The following CNOT7 variants were observed in gnomAD, a reference collection of about 807,000 sequenced individuals.
CNOT7 encodes the protein BTG1-binding factor 1.
CNOT7 carries 4 observed loss-of-function variants against 37.1 expected under a neutral mutation model. The observed-to-expected ratio is 0.11, with a 90% CI of 0.05 to 0.25. The LOEUF (loss-of-function observed/expected upper bound fraction) is 0.25. Among genes scored for constraint, CNOT7 ranks in the 10% least tolerant of loss-of-function variants. The probability of loss-of-function intolerance (pLI) is 1.00; values close to 1 mark genes in which losing one functional copy is unlikely to be tolerated. For missense variants in CNOT7, 170 were observed against 336.2 expected (o/e 0.51, Z 3.87); for synonymous variants, 128 against 115.6 (o/e 1.11, Z -0.69).
chr8:17,234,991 C>T (rs1809150370), intron 4 of CNOT7, 131 bp from the exon 5 acceptor site: 1 of 687,124 alleles, frequency 1.5e-6, no homozygotes, highest in Non-Finnish European at 2.4e-6. Context: ...GAGAAGTGCA[C>T]ACAAGAACAG....
chr8:17,235,676 G>T (rs1362838856), intron 4 of CNOT7, among the ~76,000 whole-genome samples: 1 of 152,094 alleles, frequency 6.6e-6, no homozygotes, highest in East Asian at 1.9e-4. Flanking sequence ...CCTCTAACAG[G>T]AAGCCTATAT....
Position 17,225,986 on chromosome 8 carries a change from G to A in CNOT7, c.*4734C>T, listed in dbSNP as rs1456863454. 1 of 138,116 alleles carries A rather than the reference G, an allele frequency of 7.2e-6. No individual in the cohort carries two copies. The highest frequency in any genetic ancestry group is 2.6e-5 in the African/African-American group (1 of 37,906). The allele number at this position is 138,116 out of a possible 1,614,324, so 8.6% of individuals were successfully genotyped here. A position where few individuals can be genotyped will look rare whatever the true frequency, so the allele number is the denominator to read the frequency against. Reference sequence around the variant, plus strand: ...TGCAGATGAAATAGCAAACAGGACAGACATAGACCCTTGAGTTTCTTCTAG... The same window carrying A: ...TGCAGATGAAATAGCAAACAGGACAAACATAGACCCTTGAGTTTCTTCTAG... On this transcript the variant is annotated 3_prime_UTR_variant, in exon 7 of 7. Coordinates refer to ENST00000361272, the MANE Select transcript of CNOT7 (RefSeq NM_013354.7).
intron 4 of CNOT7, among the ~76,000 whole-genome samples, chr8:17,235,097 T>C (rs1002424122): frequency 1.3e-4 from 20 of 152,148 alleles, no homozygotes. Context: ...AACACAGACC[T>C]ACACTACCAA....
At chr8:17,231,726 A>G (rs1165321648) in intron 6 of CNOT7, 1 of 985,244 alleles carries the variant, frequency 1.0e-6, no homozygotes, top group Non-Finnish European at 1.2e-6. Context: ...TGTGCACATC[A>G]CTTAATTACT....
At chr8:17,243,362 TA>T (rs1810450524) in intron 2 of CNOT7, 177 bp from the exon 3 acceptor site, 1 of 640,204 alleles carries the variant, frequency 1.6e-6, no homozygotes, top group Non-Finnish European at 2.8e-6. Flanking sequence ...TAAAACTCTA[TA>T]AACTTAATAA....
chr8:17,230,616 G>A lies in CNOT7; in HGVS notation c.*104C>T, dbSNP rs1195566635. The stretch of plus-strand genomic sequence containing the variant: ...CAGACAATAAAATGGGCCATGAAAG[G>A]GGGGGGAAAGGTACTGTCTATTGTT... On this transcript the variant is annotated 3_prime_UTR_variant, in exon 7 of 7. Transcript: ENST00000361272. 8 of 935,242 alleles carry A rather than the reference G, an allele frequency of 8.6e-6. No individual in the cohort carries two copies. The highest frequency in any genetic ancestry group is 5.6e-5 in the South Asian group (2 of 35,436). The allele number at this position is 935,242 out of a possible 1,614,324, so 57.9% of individuals were successfully genotyped here. A position where few individuals can be genotyped will look rare whatever the true frequency, so the allele number is the denominator to read the frequency against.
At chr8:17,232,949 T>G (rs1261198109) in intron 5 of CNOT7, among the ~76,000 whole-genome samples, 1 of 152,178 alleles carries the variant, frequency 6.6e-6, no homozygotes, top group African/African-American at 2.4e-5. Flanking sequence ...CACCATCCAT[T>G]TGTAGTTTTC....
intron 5 of CNOT7, among the ~76,000 whole-genome samples, chr8:17,233,302 T>C (rs1808879738): frequency 6.6e-6 from 1 of 152,216 alleles, no homozygotes; most frequent in Non-Finnish European, 1.5e-5. Flanking sequence ...AAAATGGCCC[T>C]TCTGTGCATC....
At chr8:17,232,234 C>T in intron 6 of CNOT7, 193 bp downstream of exon 6, 1 of 1,420,742 alleles carries the variant, frequency 7.0e-7, no homozygotes, top group Non-Finnish European at 9.1e-7. Flanking sequence ...ACATGTTCTC[C>T]CAGTTCCTTC....
chr8:17,231,206 TA>T (rs1808560160), intron 6 of CNOT7, among the ~76,000 whole-genome samples: 1 of 152,116 alleles, frequency 6.6e-6, no homozygotes, highest in Admixed American at 6.5e-5. Context: ...TTTAGGTTCA[TA>T]AACTGTCTTA....
chr8:17,230,528 G>A lies in CNOT7; in HGVS notation c.*192C>T, dbSNP rs1808478455. ...AATTAAGGCCAAATTTAACCTGAAT[G>A]CGTTTTTTTTTTTCTTTTTATTAAG... On this transcript the variant is annotated 3_prime_UTR_variant, in exon 7 of 7. Coordinates refer to ENST00000361272, the MANE Select transcript of CNOT7 (RefSeq NM_013354.7). The A allele has an allele frequency of 2.7e-6, 1 of 372,384 alleles. No homozygotes were observed. Among genetic ancestry groups the A allele is most frequent in the Admixed American group, 4.6e-5 (1 of 21,636 alleles). 23.1% of individuals were successfully genotyped at this position (372,384 alleles called of 1,614,324 possible).
chr8:17,234,623 T>C, intron 5 of CNOT7, 93 bp downstream of exon 5: 3 of 1,314,860 alleles, frequency 2.3e-6, no homozygotes, highest in Non-Finnish European at 2.2e-6. Flanking sequence ...TACTTTAAAA[T>C]ATGGTTTAAA....
chr8:17,244,742 C>T, intron 2 of CNOT7: 1 of 272,434 alleles, frequency 3.7e-6, no homozygotes, highest in Non-Finnish European at 7.0e-6. Context: ...GCTTCCCTTA[C>T]CTTCCCCTAA....
chr8:17,241,832 CTAGA>C (rs1229690258), intron 3 of CNOT7: 2 of 152,144 alleles, frequency 1.3e-5, no homozygotes, highest in African/African-American at 4.8e-5. Flanking sequence ...CATCAAACTT[CTAGA>C]TAAAGACCAA....
rs1031004627 is a variant in CNOT7 at position 17,237,518 on chromosome 8, A to C, written c.312-145T>G. The C allele has an allele frequency of 4.8e-6, 3 of 623,404 alleles. No individual in the cohort carries two copies. The African/African-American group carries it at 5.5e-5, about 11-fold the overall frequency. The allele number at this position is 623,404 out of a possible 1,614,324, so 38.6% of individuals were successfully genotyped here. A position where few individuals can be genotyped will look rare whatever the true frequency, so the allele number is the denominator to read the frequency against. On this transcript the variant is annotated intron_variant, in intron 3 of 6. Coordinates refer to ENST00000361272, the MANE Select transcript of CNOT7 (RefSeq NM_013354.7). ...CTGTTTCAATGCTTTATATATATGC[A>C]AGAAAAATGCAATTTAAATACAAAG...
chr8:17,237,611 T>A (rs949290254), intron 3 of CNOT7: 13 of 431,916 alleles, frequency 3.0e-5, no homozygotes, highest in Non-Finnish European at 5.0e-5. Context: ...AATTTTAATC[T>A]TTTTTCTATT....
chr8:17,234,363 A>G (rs953571652), intron 5 of CNOT7, among the ~76,000 whole-genome samples: 1 of 152,228 alleles, frequency 6.6e-6, no homozygotes, highest in African/African-American at 2.4e-5. Flanking sequence ...AACAGATTCT[A>G]TGCGTCTTGG....
At chr8:17,236,914 C>T (rs913958614) in intron 4 of CNOT7, among the ~76,000 whole-genome samples, 2 of 152,102 alleles carry the variant, frequency 1.3e-5, no homozygotes, top group East Asian at 3.9e-4. Context: ...AAAAGAAAAC[C>T]CTGGGTAACA....
Position 17,226,682 on chromosome 8 carries a change from G to A in CNOT7, c.*4038C>T, listed in dbSNP as rs533536125. On this transcript the variant is annotated 3_prime_UTR_variant, in exon 7 of 7. Coordinates refer to ENST00000361272, the MANE Select transcript of CNOT7 (RefSeq NM_013354.7). ...CTAAAAATGGATTTGGCAATACAGC[G>A]CTGTTTTGACTTCTCATAGCACAGA... The A allele has an allele frequency of 2.6e-5, 4 of 151,820 alleles. No homozygotes were observed. Among genetic ancestry groups the A allele is most frequent in the African/African-American group, 4.8e-5 (2 of 41,518 alleles). 9.4% of individuals were successfully genotyped at this position (151,820 alleles called of 1,614,324 possible).
Sources: gnomAD v4.1 joint callset for allele counts (sites outside exome capture counted in the v4.1 genomes callset) on GRCh38, gnomAD v4.1.1 for gene constraint, MANE v1.5 for transcripts, NCBI Gene and HGNC (gene_info 2026-07-23, HGNC 2026-07-21) for gene names.